The following MYO16 variants were observed in gnomAD, a reference collection of about 807,000 sequenced individuals.
MYO16 encodes the protein unconventional myosin-XVI.
In MYO16, 94 loss-of-function variants were observed where a neutral mutation model predicts 205.3. That is an observed-to-expected ratio of 0.46 (90% CI 0.39 to 0.54). The LOEUF is 0.54. Among genes scored for constraint, MYO16 ranks in the 20% least tolerant of loss-of-function variants. The probability of loss-of-function intolerance (pLI) is 0.00; values close to 1 mark genes in which losing one functional copy is unlikely to be tolerated. For missense variants in MYO16, 2,315 were observed against 2,387.5 expected, an observed-to-expected ratio of 0.97 and a Z score of 0.63; for synonymous variants, 988 against 954.0, an observed-to-expected ratio of 1.04 and a Z score of -0.66.
intron 11 of MYO16, among the ~76,000 whole-genome samples, chr13:108,861,791 G>A (rs894180079): frequency 6.6e-6 from 1 of 151,842 alleles, no homozygotes; most frequent in African/African-American, 2.4e-5. Context: ...ATTAAAATTG[G>A]GTTTTCTTTC....
rs1043661716 is a variant in MYO16 at position 109,207,953 on chromosome 13, C to G, written c.*1117C>G. On this transcript the variant is annotated 3_prime_UTR_variant, in exon 35 of 35. Coordinates refer to ENST00000457511, the MANE Select transcript of MYO16 (RefSeq NM_001198950.3). ...TGCTACTTGGAACTTTTTATTCATA[C>G]CAGCCTTTGAAAAGTTACTGTGCCA... is the stretch of plus-strand genomic sequence containing the variant. The G allele has an allele frequency of 6.6e-6, 1 of 152,214 alleles. No individual in the cohort carries two copies. The highest frequency in any genetic ancestry group is 2.4e-5 in the African/African-American group (1 of 41,444). 9.4% of individuals were successfully genotyped at this position (152,214 alleles called of 1,614,324 possible). A position where few individuals can be genotyped will look rare whatever the true frequency, so the allele number is the denominator to read the frequency against.
intron 20 of MYO16, among the ~76,000 whole-genome samples, chr13:108,989,422 C>T (rs932756950): frequency 6.6e-6 from 1 of 152,084 alleles, no homozygotes; most frequent in Non-Finnish European, 1.5e-5. Flanking sequence ...GCAATATCTC[C>T]ATTTCCTCTT....
At chr13:108,905,003 T>C (rs1440549297) in intron 15 of MYO16, among the ~76,000 whole-genome samples, 2 of 152,228 alleles carry the variant, frequency 1.3e-5, no homozygotes, top group East Asian at 3.9e-4. Flanking sequence ...ATAATCACTT[T>C]ATTTTTTTCG....
intron 28 of MYO16, among the ~76,000 whole-genome samples, chr13:109,108,809 G>A (rs775700895): frequency 2.0e-5 from 3 of 152,132 alleles, no homozygotes; most frequent in South Asian, 2.1e-4. Flanking sequence ...AGCTGGGGAC[G>A]TGCTGAGGCA....
intron 20 of MYO16, among the ~76,000 whole-genome samples, chr13:108,980,958 C>A (rs1884429130): frequency 6.6e-6 from 1 of 152,050 alleles, no homozygotes; most frequent in Admixed American, 6.5e-5. Flanking sequence ...AATCACACAG[C>A]CAGAAAATGA....
rs540104826 is a variant in MYO16, at chr13:108,740,398, C to A, written c.507+12815C>A. Among the ~76,000 whole-genome samples, 40 of 152,312 alleles carry A rather than the reference C, an allele frequency of 2.6e-4. 1 individual carries two copies. Among genetic ancestry groups the A allele is most frequent in the Middle Eastern group, 6.8e-3 (2 of 294 alleles). On this transcript the variant is annotated intron_variant, in intron 4 of 34. Transcript: ENST00000457511. ...GGTCTGTTGGAGTTTGCTGGAGGTTCACTCCAGACCCTATTTGCCTGGGTA... is the reference window on the plus strand; with the variant it reads ...GGTCTGTTGGAGTTTGCTGGAGGTTAACTCCAGACCCTATTTGCCTGGGTA...
chr13:108,746,634 C>G (rs958825245), intron 4 of MYO16, among the ~76,000 whole-genome samples: 2 of 151,998 alleles, frequency 1.3e-5, no homozygotes, highest in Non-Finnish European at 2.9e-5. Context: ...GTCACATATA[C>G]TCCCAAAATA....
chr13:108,685,450 A>G (rs1187311605), intron 2 of MYO16, among the ~76,000 whole-genome samples: 1 of 152,182 alleles, frequency 6.6e-6, no homozygotes, highest in African/African-American at 2.4e-5. Flanking sequence ...GTTAAATTGA[A>G]TGGAATTGCT....
chr13:109,040,116 A>G (rs1886833402), intron 23 of MYO16, among the ~76,000 whole-genome samples: 1 of 152,094 alleles, frequency 6.6e-6, no homozygotes, highest in Non-Finnish European at 1.5e-5. Flanking sequence ...AGCTACTTCA[A>G]TTCACCCAAT....
intron 34 of MYO16, among the ~76,000 whole-genome samples, chr13:109,206,072 A>G (rs1262306138): frequency 1.3e-5 from 2 of 152,102 alleles, no homozygotes; most frequent in Non-Finnish European, 2.9e-5. Flanking sequence ...GTGATTGTGT[A>G]TTGTCTATGA....
intron 1 of MYO16, among the ~76,000 whole-genome samples, chr13:108,607,377 G>T (rs1203667838): frequency 6.6e-6 from 1 of 152,162 alleles, no homozygotes; most frequent in Non-Finnish European, 1.5e-5. Context: ...GAGGGACCAT[G>T]TGGGAGGTGA....
intron 11 of MYO16, 110 bp downstream of exon 11, chr13:108,855,663 A>C (rs423376): frequency 0.26 from 179,121 of 679,392 alleles, 25,218 homozygotes; most frequent in East Asian, 0.45. Flanking sequence ...AGCTTCTGGT[A>C]GTGGTGATAG....
chr13:109,141,222 G>C lies in MYO16; in HGVS notation c.5010G>C (p.Arg1670Ser). 1 of 1,606,968 alleles carries C rather than the reference G, an allele frequency of 6.2e-7. No homozygotes were observed. The highest frequency in any genetic ancestry group is 8.5e-7 in the Non-Finnish European group (1 of 1,176,696). ...SPVKATRADA[R>S]KAGSSASPPA... The stretch of plus-strand genomic sequence containing the variant: ...TGAAGGCCACCAGGGCGGACGCCAG[G>C]AAGGCCGGCTCCAGTGCCTCGCCCC... Residue 1670 changes from arginine to serine, a missense_variant, in exon 32 of 35, where the codon AGG becomes AGC. Arg to Ser is a moderately radical substitution (Grantham distance 110, BLOSUM62 -1). Around this residue, in one of 3 missense-constraint regions of MYO16, gnomAD observed 1,097 missense variants for 1,092.0 expected, o/e 1.00. Coordinates refer to ENST00000457511, the MANE Select transcript of MYO16 (RefSeq NM_001198950.3). This position sits in a 1 kb window ranked among gnomAD's most constrained non-coding sequence, Gnocchi z 4.1.
In MYO16 at chr13:108,820,320, T is replaced by C. The variant is rs769559860; in HGVS notation, c.868-17T>C. The stretch of plus-strand genomic sequence containing the variant: ...CTGCCATGGTGGTTCCCATTTCAAT[T>C]ATCTTTAATATTTCAGACAAATCTG... On this transcript the variant is annotated splice_polypyrimidine_tract_variant and intron_variant, in intron 7 of 34. Transcript: ENST00000457511. 1 of 1,568,362 alleles carries C rather than the reference T, an allele frequency of 6.4e-7. No individual in the cohort carries two copies. Among genetic ancestry groups the C allele is most frequent in the South Asian group, 1.2e-5 (1 of 85,836 alleles).
chr13:108,605,289 T>C (rs1039163780), intron 1 of MYO16, among the ~76,000 whole-genome samples: 3 of 152,300 alleles, frequency 2.0e-5, no homozygotes, highest in Middle Eastern at 3.4e-3. Context: ...TAATCTATCT[T>C]TGTTTATCTT....
intron 22 of MYO16, among the ~76,000 whole-genome samples, chr13:109,018,620 T>C (rs753995741): frequency 6.6e-6 from 1 of 152,188 alleles, no homozygotes; most frequent in Non-Finnish European, 1.5e-5. Flanking sequence ...ATTGGATCCG[T>C]TGAGCGAAGC....
At chr13:108,653,803 A>G (rs189770940) in intron 1 of MYO16, among the ~76,000 whole-genome samples, 20 of 149,268 alleles carry the variant, frequency 1.3e-4, no homozygotes, top group Middle Eastern at 3.5e-3. Flanking sequence ...ATATGTGTGT[A>G]TATATATATA....
At chr13:108,548,515 GGAT>G in the MYO16 span, among the ~76,000 whole-genome samples, 2 of 150,894 alleles carry the variant, frequency 1.3e-5, no homozygotes, top group African/African-American at 4.9e-5. Flanking sequence ...ATAAAGGTGA[GGAT>G]GATAATGGTG....
rs185991983 is a variant in MYO16, at chr13:108,986,027, G to A, written c.2370-6349G>A. Reference sequence around the variant, plus strand: ...AATCATGGCAGAAGGCGAAGGAGGAGCAGAGGCACATCTTACATGGCAGCA... The same window carrying A: ...AATCATGGCAGAAGGCGAAGGAGGAACAGAGGCACATCTTACATGGCAGCA... On this transcript the variant is annotated intron_variant, in intron 20 of 34. Coordinates refer to ENST00000457511, the MANE Select transcript of MYO16 (RefSeq NM_001198950.3). Among the ~76,000 whole-genome samples, 343 of 152,262 alleles carry A rather than the reference G, an allele frequency of 2.3e-3. 1 individual carries two copies. The highest frequency in any genetic ancestry group is 2.1e-3 in the Non-Finnish European group (146 of 68,012).
Sources: allele counts gnomAD v4.1 joint callset (sites outside exome capture counted in the v4.1 genomes callset), GRCh38; gene constraint gnomAD v4.1.1; regional missense constraint gnomAD v4.1.1; non-coding constraint Gnocchi (gnomAD v3.1); transcripts MANE v1.5; gene names NCBI Gene and HGNC (gene_info 2026-07-23, HGNC 2026-07-21).